The following SHISAL1 variants were observed in gnomAD, a reference collection of about 807,000 sequenced individuals.
The protein encoded by SHISAL1 is protein shisa-like-1.
A neutral mutation model predicts 22.6 loss-of-function variants in SHISAL1; 9 were observed. The ratio of observed to expected loss-of-function variants is 0.40; its 90% CI spans 0.24 to 0.70. The LOEUF is 0.70. Ranked by LOEUF, SHISAL1 falls within the 30% of genes least tolerant of loss-of-function variation. The pLI is 0.39. For missense variants in SHISAL1, 246 were observed against 270.6 expected (o/e 0.91, Z 0.64); for synonymous variants, 119 against 115.4 (o/e 1.03, Z -0.20).
chr22:44,254,860 A>G (rs932635842), intron 4 of SHISAL1, among the ~76,000 whole-genome samples: 3 of 152,190 alleles, frequency 2.0e-5, no homozygotes, highest in African/African-American at 4.8e-5. Flanking sequence ...ACTTCTCACC[A>G]TCACTTAGCC....
Position 44,296,952 on chromosome 22 carries a change from G to A in SHISAL1, c.68-67C>T. On this transcript the variant is annotated intron_variant, in intron 2 of 4. Transcript: ENST00000381176. The stretch of plus-strand genomic sequence containing the variant: ...GTCCACGGGTGCCAAGAGGCAGGGG[G>A]ACTGGCCGGCCTCTTCTCAGGTCCT... 4 of 1,287,038 alleles carry A rather than the reference G, an allele frequency of 3.1e-6. No individual in the cohort carries two copies. In the South Asian group the frequency reaches 3.8e-5, roughly 12 times the overall value. 79.7% of individuals were successfully genotyped at this position (1,287,038 alleles called of 1,614,324 possible). A position where few individuals can be genotyped will look rare whatever the true frequency, so the allele number is the denominator to read the frequency against.
At chr22:44,318,161 A>G in the SHISAL1 span, among the ~76,000 whole-genome samples, 2 of 152,272 alleles carry the variant, frequency 1.3e-5, no homozygotes, top group Admixed American at 6.5e-5. Flanking sequence ...TCCTCTCTGC[A>G]GGCCCGATGC....
the SHISAL1 span, among the ~76,000 whole-genome samples, chr22:44,329,218 G>A: frequency 6.6e-6 from 1 of 152,218 alleles, no homozygotes; most frequent in East Asian, 1.9e-4. Context: ...GGGGCTCGGG[G>A]AGTTGGCTGA....
intron 4 of SHISAL1, among the ~76,000 whole-genome samples, chr22:44,279,141 A>G (rs2055259836): frequency 6.6e-6 from 1 of 152,160 alleles, no homozygotes; most frequent in Non-Finnish European, 1.5e-5. Flanking sequence ...ATGAATGGAC[A>G]GCCTCCGGGG....
the SHISAL1 span, among the ~76,000 whole-genome samples, chr22:44,327,391 C>A: frequency 0.57 from 87,257 of 151,816 alleles, 26,514 homozygotes; most frequent in African/African-American, 0.78. Context: ...GGGGACGGCC[C>A]GTGACTGGGG....
At position 44,309,882 on chromosome 22, in the gene SHISAL1, C is replaced by G. The variant is rs73888991; in HGVS notation, c.-33+2869G>C. 7.7e-3 allele frequency among the ~76,000 whole-genome samples: 1,170 copies of G among 152,360 alleles called. 19 individuals are homozygous for G. Among genetic ancestry groups the G allele is most frequent in the African/African-American group, 0.027 (1,131 of 41,576 alleles). ...GTCCAGGAATAAACACTTCTCGAGG[C>G]TCCACGCCTGCATATGAAGTGAGAT... On this transcript the variant is annotated intron_variant, in intron 1 of 4. Transcript: ENST00000381176.
intron 4 of SHISAL1, among the ~76,000 whole-genome samples, chr22:44,251,279 C>G (rs1193967760): frequency 2.6e-5 from 4 of 152,054 alleles, no homozygotes; most frequent in African/African-American, 9.7e-5. Flanking sequence ...ATGAATAAAC[C>G]AAGAATTTAA....
intron 1 of SHISAL1, among the ~76,000 whole-genome samples, chr22:44,312,471 T>A (rs1016424777): frequency 6.6e-6 from 1 of 152,102 alleles, no homozygotes; most frequent in Admixed American, 6.5e-5. Flanking sequence ...AGCAACTTGC[T>A]CAAGGTCACA....
chr22:44,287,742 G>GC (rs2055326045), intron 3 of SHISAL1, among the ~76,000 whole-genome samples: 1 of 152,188 alleles, frequency 6.6e-6, no homozygotes. Context: ...GAGGCCTGCA[G>GC]CCCCATCCAG....
chr22:44,289,186 C>G (rs1434565967), intron 3 of SHISAL1, among the ~76,000 whole-genome samples: 1 of 152,198 alleles, frequency 6.6e-6, no homozygotes, highest in Non-Finnish European at 1.5e-5. Flanking sequence ...GTTCCCATGT[C>G]ACACATGAGG....
At chr22:44,269,644 C>CA (rs1467407919) in intron 4 of SHISAL1, among the ~76,000 whole-genome samples, 1 of 136,974 alleles carries the variant, frequency 7.3e-6, no homozygotes, top group African/African-American at 3.6e-5. Context: ...ATGCCACAAA[C>CA]AACACACACA....
At chr22:44,302,337 C>G (rs1258447405) in intron 1 of SHISAL1, among the ~76,000 whole-genome samples, 1 of 70,120 alleles carries the variant, frequency 1.4e-5, no homozygotes, top group Non-Finnish European at 2.6e-5. Context: ...GAGACTCCGT[C>G]TCAAAAAAAA....
the SHISAL1 span, among the ~76,000 whole-genome samples, chr22:44,328,435 G>C: frequency 1.3e-5 from 2 of 152,124 alleles, no homozygotes; most frequent in Non-Finnish European, 2.9e-5. Flanking sequence ...GCAGGCCTTC[G>C]GGCTGTCACT....
chr22:44,327,349 G>A, the SHISAL1 span, among the ~76,000 whole-genome samples: 3 of 152,110 alleles, frequency 2.0e-5, no homozygotes, highest in Non-Finnish European at 2.9e-5. Context: ...GTCCTGAGGG[G>A]CTGAACGAGA....
intron 4 of SHISAL1, among the ~76,000 whole-genome samples, chr22:44,257,273 G>T (rs1305587229): frequency 2.0e-5 from 3 of 152,222 alleles, no homozygotes; most frequent in Non-Finnish European, 4.4e-5. Flanking sequence ...CAGAAAGGTG[G>T]TTAACAGCAG....
At chr22:44,320,335 C>G in the SHISAL1 span, among the ~76,000 whole-genome samples, 35,148 of 152,068 alleles carry the variant, frequency 0.23, 4,426 homozygotes, top group East Asian at 0.53. Context: ...CCCTCTGAGA[C>G]CCCCTATTGC....
At chr22:44,273,392 C>T (rs1228443654) in intron 4 of SHISAL1, among the ~76,000 whole-genome samples, 2 of 152,154 alleles carry the variant, frequency 1.3e-5, no homozygotes, top group Admixed American at 1.3e-4. Flanking sequence ...ATGCAAATAC[C>T]GTCACCGGCA....
At position 44,270,451 on chromosome 22, in the gene SHISAL1, G is replaced by A. The variant is rs530075442; in HGVS notation, c.599+14977C>T. ...GTCCAGGCAGGGACACAGCAGCCAT[G>A]GCTGTCATGGAATAGGGCATTTATG... On this transcript the variant is annotated intron_variant, in intron 4 of 4. Coordinates refer to ENST00000381176, the MANE Select transcript of SHISAL1 (RefSeq NM_001099294.2). Among the ~76,000 whole-genome samples, 22 of 152,322 alleles carry A rather than the reference G, an allele frequency of 1.4e-4. No individual in the cohort carries two copies. The South Asian group carries it at 4.6e-3, about 32-fold the overall frequency.
At chr22:44,327,261 C>T in the SHISAL1 span, among the ~76,000 whole-genome samples, 7 of 151,962 alleles carry the variant, frequency 4.6e-5, no homozygotes, top group South Asian at 1.3e-3. Flanking sequence ...CACACACACA[C>T]ACACACACAC....
Sources: allele counts gnomAD v4.1 joint callset (sites outside exome capture counted in the v4.1 genomes callset), GRCh38; gene constraint gnomAD v4.1.1; transcripts MANE v1.5; gene names NCBI Gene and HGNC (gene_info 2026-07-23, HGNC 2026-07-21).